The following KMT2C variants were observed in gnomAD, a reference collection of about 807,000 sequenced individuals.
KMT2C encodes the protein lysine methyltransferase 2C.
In KMT2C, 88 loss-of-function variants were observed where a neutral mutation model predicts 507.9. The ratio of observed to expected loss-of-function variants is 0.17; its 90% CI spans 0.15 to 0.21. The LOEUF is 0.21. Among genes scored for constraint, KMT2C ranks in the 10% least tolerant of loss-of-function variants. The pLI is 1.00. For synonymous variants in KMT2C, 2,049 were observed against 2,080.8 expected, an observed-to-expected ratio of 0.98 and a Z score of 0.42; for missense variants, 4,954 against 5,957.8, an observed-to-expected ratio of 0.83 and a Z score of 5.55.
At position 152,232,737 on chromosome 7, in the gene KMT2C, A is replaced by G. The variant is rs530163362; in HGVS notation, c.2770-2416T>C. 2.7e-4 allele frequency among the ~76,000 whole-genome samples: 41 copies of G among 152,290 alleles called. No homozygotes were observed. In the East Asian group the frequency reaches 6.7e-3, roughly 25 times the overall value. On this transcript the variant is annotated intron_variant, in intron 16 of 58. Transcript: ENST00000262189. ...CAGCTTTCTAAGATTTTAGAGAATC[A>G]TCCAAGATGATTCACAAAAGTAGAA...
At chr7:152,215,059 G>A (rs2094539274) in intron 23 of KMT2C, among the ~76,000 whole-genome samples, 1 of 150,560 alleles carries the variant, frequency 6.6e-6, no homozygotes, top group Non-Finnish European at 1.5e-5. Flanking sequence ...CCTCAGATAT[G>A]TGTAATAAAA....
Position 152,330,920 on chromosome 7 carries a change from G to A in KMT2C, c.251-181C>T, listed in dbSNP as rs140454090. Among the ~76,000 whole-genome samples, 30 of 152,210 alleles carry A rather than the reference G, an allele frequency of 2.0e-4. No individual in the cohort carries two copies. The East Asian group carries it at 4.2e-3, about 22-fold the overall frequency. On this transcript the variant is annotated intron_variant, in intron 2 of 58. Transcript: ENST00000262189. ...GTATTGTGCATCTTTATTCTCTACC[G>A]CAAAATGATTATCAAAATAATGTGA... is the stretch of plus-strand genomic sequence containing the variant.
rs2129095579 is a variant in KMT2C, at chr7:152,148,867, C to T, written c.13060G>A (p.Gly4354Arg). The T allele has an allele frequency of 1.9e-6, 3 of 1,614,162 alleles. No homozygotes were observed. Among genetic ancestry groups the T allele is most frequent in the Non-Finnish European group, 2.5e-6 (3 of 1,180,038 alleles). ...ATGCTCCACTTCTTCCATTTCATTC[C>T]TCTCCATTTTTTATTGAGCGGCCTG... ...DCRPLNKKWR[G>R]MKWKKWSIHI... The change falls in exon 52 of 59, where the codon GGA becomes AGA. Residue 4354 changes from glycine to arginine, a missense_variant. Gly to Arg is a moderately radical substitution (Grantham distance 125). This residue lies in a region of KMT2C where 417 missense variants were observed against 461.1 expected (regional missense o/e 0.90). Coordinates refer to ENST00000262189, the MANE Select transcript of KMT2C (RefSeq NM_170606.3). The surrounding 1 kb of genome is among the most constrained non-coding windows in gnomAD (Gnocchi z 7.1).
intron 1 of KMT2C, among the ~76,000 whole-genome samples, chr7:152,381,784 A>G (rs2097376343): frequency 6.6e-6 from 1 of 152,178 alleles, no homozygotes; most frequent in South Asian, 2.1e-4. Context: ...AAAAGCTTTG[A>G]GTGATGTTTG....
chr7:152,328,615 T>C (rs960362337), intron 3 of KMT2C, among the ~76,000 whole-genome samples: 14 of 152,182 alleles, frequency 9.2e-5, no homozygotes, highest in Non-Finnish European at 1.5e-4. Flanking sequence ...GACCTGATTA[T>C]CATTATTAGA....
At chr7:152,139,138 T>C in intron 57 of KMT2C, 48 bp downstream of exon 57, 1 of 1,567,094 alleles carries the variant, frequency 6.4e-7, no homozygotes, top group Non-Finnish European at 8.8e-7. Flanking sequence ...CCACCAGCAC[T>C]GGCCCCACAA....
At chr7:152,269,046 C>T (rs991225740) in intron 7 of KMT2C, among the ~76,000 whole-genome samples, 4 of 152,146 alleles carry the variant, frequency 2.6e-5, no homozygotes, top group African/African-American at 9.7e-5. Context: ...TTTCCTTTTA[C>T]TCAAATTTTT....
At chr7:152,253,886 T>C (rs2095603803) in intron 9 of KMT2C, among the ~76,000 whole-genome samples, 1 of 152,194 alleles carries the variant, frequency 6.6e-6, no homozygotes, top group African/African-American at 2.4e-5. Flanking sequence ...CTTCTGTGCC[T>C]GTGAGCTAGT....
intron 9 of KMT2C, among the ~76,000 whole-genome samples, chr7:152,259,814 C>G (rs1435685860): frequency 6.6e-6 from 1 of 152,182 alleles, no homozygotes; most frequent in Non-Finnish European, 1.5e-5. Flanking sequence ...ACATCTCCAG[C>G]CTTCACTACA....
intron 1 of KMT2C, among the ~76,000 whole-genome samples, chr7:152,415,612 G>A (rs1382699159): frequency 6.6e-6 from 1 of 152,216 alleles, no homozygotes; most frequent in Non-Finnish European, 1.5e-5. Flanking sequence ...CTGACGCGGT[G>A]GCTCATGCCT....
chr7:152,166,264 G>GTT, intron 42 of KMT2C, among the ~76,000 whole-genome samples: 1 of 151,852 alleles, frequency 6.6e-6, no homozygotes, highest in Non-Finnish European at 1.5e-5. Flanking sequence ...TGGGATTACA[G>GTT]GCACACACCA....
intron 23 of KMT2C, among the ~76,000 whole-genome samples, chr7:152,216,890 G>C (rs2094597966): frequency 6.6e-6 from 1 of 152,180 alleles, no homozygotes; most frequent in African/African-American, 2.4e-5. Context: ...ATAGCTCACG[G>C]TTACTGAGCA....
intron 2 of KMT2C, among the ~76,000 whole-genome samples, chr7:152,350,191 A>T (rs1156569812): frequency 1.3e-5 from 2 of 152,236 alleles, no homozygotes; most frequent in African/African-American, 2.4e-5. Flanking sequence ...CAGAAGTTGC[A>T]GTGAGCCGAG....
chr7:152,230,162 A>G (rs1486897777), intron 17 of KMT2C, 58 bp downstream of exon 17: 2 of 1,089,246 alleles, frequency 1.8e-6, no homozygotes, highest in African/African-American at 3.1e-5. Context: ...TATGAGATAA[A>G]GCAGAAATGT....
chr7:152,157,619 T>C (rs2092154579), intron 44 of KMT2C: 1 of 407,944 alleles, frequency 2.5e-6, no homozygotes, highest in Non-Finnish European at 3.6e-6. Flanking sequence ...CCAGGTAAAA[T>C]TTTAACCCTG....
rs530325656 is a variant in KMT2C, at chr7:152,264,263, G to A, written c.1184+775C>T. On this transcript the variant is annotated intron_variant, in intron 8 of 58. Coordinates refer to ENST00000262189, the MANE Select transcript of KMT2C (RefSeq NM_170606.3). ...TCAAACTAAATAATAAAAACAGACT[G>A]ATCATGGCAGTTGGGCATAATTCTT... 2.0e-5 allele frequency among the ~76,000 whole-genome samples: 3 copies of A among 152,242 alleles called. No homozygotes were observed. In the East Asian group the frequency reaches 5.8e-4, roughly 29 times the overall value.
At chr7:152,280,317 CG>C (rs2096181667) in intron 6 of KMT2C, among the ~76,000 whole-genome samples, 1 of 151,486 alleles carries the variant, frequency 6.6e-6, no homozygotes, top group African/African-American at 2.4e-5. Flanking sequence ...CCAAGGCAGG[CG>C]GATCACGAGG....
intron 6 of KMT2C, among the ~76,000 whole-genome samples, chr7:152,301,182 C>T (rs193153799): frequency 8.9e-5 from 13 of 145,978 alleles, no homozygotes; most frequent in Admixed American, 8.3e-4. Flanking sequence ...GAAAACAGAG[C>T]AAGACCCTGT....
intron 3 of KMT2C, 146 bp downstream of exon 3, chr7:152,330,455 G>T: frequency 1.4e-6 from 1 of 736,280 alleles, no homozygotes; most frequent in Non-Finnish European, 2.3e-6. Context: ...TAAACACAGA[G>T]GTATCAGCTT....
Sources: gnomAD v4.1 joint callset for allele counts (sites outside exome capture counted in the v4.1 genomes callset) on GRCh38, gnomAD v4.1.1 for gene constraint, gnomAD v4.1.1 regional missense constraint, Gnocchi (gnomAD v3.1) non-coding constraint, MANE v1.5 for transcripts, NCBI Gene and HGNC (gene_info 2026-07-23, HGNC 2026-07-21) for gene names.